RPTOR: variants seen among roughly 807,000 people sequenced by gnomAD.
The protein encoded by RPTOR is regulatory-associated protein of mTOR.
A neutral mutation model predicts 169.9 loss-of-function variants in RPTOR; 21 were observed. That is an observed-to-expected ratio of 0.12 (90% CI 0.09 to 0.18). The LOEUF (loss-of-function observed/expected upper bound fraction) is 0.18, where lower values mean the gene tolerates loss of function less well. RPTOR is among the 10% of genes least tolerant of loss of function. RPTOR has a pLI of 1.00. For synonymous variants in RPTOR, 732 were observed against 753.2 expected (o/e 0.97, Z 0.46); for missense variants, 1,133 against 1,855.9 (o/e 0.61, Z 7.16).
chr17:80,685,619 ATATATATATTTTTTTTTTTTTTT>A (rs1482742909), intron 3 of RPTOR, among the ~76,000 whole-genome samples: 5 of 13,442 alleles, frequency 3.7e-4, no homozygotes, highest in Non-Finnish European at 5.8e-4. Context: ...ATATATATAT[ATATATATATTTTTTTTTTTTTTT>A]TTTTTTTTTT....
At chr17:80,719,286 C>T (rs938952347) in intron 4 of RPTOR, among the ~76,000 whole-genome samples, 3 of 152,040 alleles carry the variant, frequency 2.0e-5, no homozygotes, top group Admixed American at 1.3e-4. Context: ...CCTGTCAGCC[C>T]GGGGGAACAG....
chr17:80,777,688 G>A (rs906418416), intron 6 of RPTOR, among the ~76,000 whole-genome samples: 4 of 152,210 alleles, frequency 2.6e-5, no homozygotes, highest in African/African-American at 9.7e-5. Context: ...CCAAGGTTAT[G>A]AAGTTTGACG....
At chr17:80,779,271 T>C (rs540328946) in intron 6 of RPTOR, among the ~76,000 whole-genome samples, 2 of 152,260 alleles carry the variant, frequency 1.3e-5, no homozygotes, top group African/African-American at 4.8e-5. Context: ...ATGAGGTAAA[T>C]GAAAATACAT....
Position 80,936,883 on chromosome 17 carries a change from G to A in RPTOR, c.2920-3613G>A, listed in dbSNP as rs930682981. Among the ~76,000 whole-genome samples, 5 of 152,316 alleles carry A rather than the reference G, an allele frequency of 3.3e-5. No individual in the cohort carries two copies. Among genetic ancestry groups the A allele is most frequent in the South Asian group, 2.1e-4 (1 of 4,830 alleles). The stretch of plus-strand genomic sequence containing the variant: ...GCTTCTCCCCCCTCCACAGCTTGGC[G>A]ATTTGTGGTAACACAAAGGCTGTGT... On this transcript the variant is annotated intron_variant, in intron 24 of 33. Coordinates refer to ENST00000306801, the MANE Select transcript of RPTOR (RefSeq NM_020761.3). The surrounding 1 kb of genome is among the most constrained non-coding windows in gnomAD (Gnocchi z 4.1).
chr17:80,905,045 G>A (rs780559036), intron 20 of RPTOR, among the ~76,000 whole-genome samples: 4 of 152,174 alleles, frequency 2.6e-5, no homozygotes, highest in African/African-American at 4.8e-5. Flanking sequence ...CAGGGCCCAC[G>A]ACGCTCAGTC....
At chr17:80,593,994 G>C (rs1230516219) in intron 1 of RPTOR, among the ~76,000 whole-genome samples, 1 of 152,166 alleles carries the variant, frequency 6.6e-6, no homozygotes, top group African/African-American at 2.4e-5. Flanking sequence ...CCGGTTTATA[G>C]AAGTGGAAGC....
chr17:80,914,024 A>G (rs2068642530), intron 21 of RPTOR, among the ~76,000 whole-genome samples: 1 of 152,230 alleles, frequency 6.6e-6, no homozygotes, highest in Non-Finnish European at 1.5e-5. Context: ...TACTGTGAAG[A>G]GTGTGTGTGC....
chr17:80,667,008 G>T (rs1004983066), intron 3 of RPTOR, among the ~76,000 whole-genome samples: 21 of 152,210 alleles, frequency 1.4e-4, no homozygotes, highest in African/African-American at 5.1e-4. Flanking sequence ...CACTTGTTGA[G>T]TGCATTCTGT....
rs1332099655 is a variant in RPTOR, at chr17:80,803,539, T to C, written c.890+12030T>C. ...TGCGTGTGTTGTCTTCTGACCTCGA[T>C]GCCAGTATGTTTTGCGTGAGTGGCC... On this transcript the variant is annotated intron_variant, in intron 7 of 33. Transcript: ENST00000306801. This position sits in a 1 kb window ranked among gnomAD's most constrained non-coding sequence, Gnocchi z 6.2. The C allele has an allele frequency of 6.6e-6, 1 of 152,278 alleles. No individual in the cohort carries two copies. The highest frequency in any genetic ancestry group is 2.4e-5 in the African/African-American group (1 of 41,458). The allele number at this position is 152,278 out of a possible 1,614,324, so 9.4% of individuals were successfully genotyped here.
rs1200480389 is a variant in RPTOR at position 80,562,783 on chromosome 17, CAAAACAA to C, written c.162+17003_162+17009del. ...TGGCAACAGAGCAAGACTCTTGTCT[CAAAACAA>C]AAAACAAAAACAAAGTAGATCGGAC... On this transcript the variant is annotated intron_variant, in intron 1 of 33. Transcript: ENST00000306801. The surrounding 1 kb of genome is among the most constrained non-coding windows in gnomAD (Gnocchi z 4.4). 6.6e-6 allele frequency among the ~76,000 whole-genome samples: 1 copy of C among 151,832 alleles called. No individual in the cohort carries two copies. Among genetic ancestry groups the C allele is most frequent in the Non-Finnish European group, 1.5e-5 (1 of 67,958 alleles).
intron 33 of RPTOR, 54 bp from the exon 34 acceptor site, chr17:80,964,208 C>T (rs2069393093): frequency 1.5e-6 from 2 of 1,314,328 alleles, no homozygotes; most frequent in Admixed American, 3.4e-5. Context: ...CCCCCGCCCC[C>T]CGCAGTGTCT....
intron 3 of RPTOR, among the ~76,000 whole-genome samples, chr17:80,652,766 G>A (rs2065650909): frequency 6.6e-6 from 1 of 152,132 alleles, no homozygotes; most frequent in South Asian, 2.1e-4. Flanking sequence ...GGGGTTGCTG[G>A]GTCATATGGT....
intron 1 of RPTOR, among the ~76,000 whole-genome samples, chr17:80,598,403 T>C (rs544441653): frequency 6.6e-6 from 1 of 152,192 alleles, no homozygotes; most frequent in Admixed American, 6.5e-5. Flanking sequence ...GGGCAATTCA[T>C]GGATGGAGGA....
intron 1 of RPTOR, among the ~76,000 whole-genome samples, chr17:80,570,359 T>C (rs1038907419): frequency 6.6e-6 from 1 of 152,178 alleles, no homozygotes; most frequent in Non-Finnish European, 1.5e-5. Context: ...AAGTATGATA[T>C]AGAAGGGGCA....
intron 3 of RPTOR, among the ~76,000 whole-genome samples, chr17:80,687,412 C>T (rs983444999): frequency 7.2e-5 from 11 of 152,244 alleles, no homozygotes; most frequent in African/African-American, 2.7e-4. Context: ...CAAGGAACCA[C>T]TGTCTTTGAG....
chr17:80,881,107 T>C (rs1310384272), intron 14 of RPTOR, among the ~76,000 whole-genome samples: 3 of 152,252 alleles, frequency 2.0e-5, no homozygotes, highest in Admixed American at 2.0e-4. Flanking sequence ...TCCTAAATAA[T>C]TCTTTAACAT....
intron 17 of RPTOR, among the ~76,000 whole-genome samples, chr17:80,890,229 C>T (rs4969287): frequency 0.41 from 62,924 of 152,010 alleles, 13,287 homozygotes; most frequent in Admixed American, 0.48. Context: ...CACGTTAATC[C>T]ATGCCAGCTC....
intron 12 of RPTOR, 145 bp downstream of exon 12, chr17:80,855,692 C>G (rs2067844524): frequency 1.5e-6 from 1 of 671,098 alleles, no homozygotes; most frequent in African/African-American, 1.8e-5. Flanking sequence ...TGTTGGTGTC[C>G]TGTCACTCCT....
At chr17:80,558,820 C>T (rs867111799) in intron 1 of RPTOR, among the ~76,000 whole-genome samples, 2 of 152,166 alleles carry the variant, frequency 1.3e-5, no homozygotes, top group Non-Finnish European at 2.9e-5. Context: ...CATTATGCCC[C>T]GCCCGTCACC....
Sources: allele counts gnomAD v4.1 joint callset (sites outside exome capture counted in the v4.1 genomes callset), GRCh38; gene constraint gnomAD v4.1.1; non-coding constraint Gnocchi (gnomAD v3.1); transcripts MANE v1.5; gene names NCBI Gene and HGNC (gene_info 2026-07-23, HGNC 2026-07-21).